Variants in PTPRO observed in about 807,000 individuals in gnomAD.
PTPRO encodes protein tyrosine phosphatase receptor type O.
PTPRO carries 62 observed loss-of-function variants against 145.2 expected under a neutral mutation model. The observed-to-expected ratio is 0.43, with a 90% CI of 0.35 to 0.53. The LOEUF (loss-of-function observed/expected upper bound fraction) is 0.53. Among genes scored for constraint, PTPRO ranks in the 20% least tolerant of loss-of-function variants. The pLI is 0.01. For missense variants in PTPRO, 1,345 were observed against 1,482.7 expected, an observed-to-expected ratio of 0.91 and a Z score of 1.53; for synonymous variants, 565 against 514.7, an observed-to-expected ratio of 1.10 and a Z score of -1.32.
rs148956036 is a variant in PTPRO, at chr12:15,406,945, G to A, written c.76-77029G>A. Among the ~76,000 whole-genome samples, 1,141 of 152,318 alleles carry A rather than the reference G, an allele frequency of 7.5e-3. 10 individuals are homozygous for A. The highest frequency in any genetic ancestry group is 0.026 in the African/African-American group (1,073 of 41,576). On this transcript the variant is annotated intron_variant, in intron 1 of 26. Transcript: ENST00000281171. ...ATCACTAAAGTAGCATAGACTTAGC[G>A]ATTAAATAGTATAATGCTGATGAAA...
intron 1 of PTPRO, among the ~76,000 whole-genome samples, chr12:15,439,220 T>A (rs894754220): frequency 1.3e-5 from 2 of 152,052 alleles, no homozygotes; most frequent in Non-Finnish European, 2.9e-5. Context: ...GACAAACAAG[T>A]CCTAGGGGAA....
chr12:15,562,261 TC>T (rs1304190505), intron 17 of PTPRO, among the ~76,000 whole-genome samples: 2 of 152,148 alleles, frequency 1.3e-5, no homozygotes, highest in East Asian at 3.8e-4. Context: ...ACACAACCAC[TC>T]CAATTCCCTG....
intron 1 of PTPRO, among the ~76,000 whole-genome samples, chr12:15,467,247 T>C (rs1473617347): frequency 6.6e-6 from 1 of 152,180 alleles, no homozygotes; most frequent in Non-Finnish European, 1.5e-5. Context: ...CTCTTCTGAA[T>C]TCTGGATCCG....
intron 15 of PTPRO, among the ~76,000 whole-genome samples, chr12:15,555,295 T>G (rs1487760211): frequency 6.6e-6 from 1 of 152,166 alleles, no homozygotes; most frequent in Non-Finnish European, 1.5e-5. Context: ...AGCTTTAGAC[T>G]GGATGAAATT....
chr12:15,551,444 ATCATCGTAAGC>A, intron 14 of PTPRO, 96 bp from the exon 15 acceptor site: 1 of 1,374,616 alleles, frequency 7.3e-7, no homozygotes, highest in Non-Finnish European at 1.0e-6. Flanking sequence ...TATTATTGGT[ATCATCGTAAGC>A]TCACTGCCCT....
intron 19 of PTPRO, among the ~76,000 whole-genome samples, chr12:15,573,555 T>C (rs1944109453): frequency 6.6e-6 from 1 of 152,200 alleles, no homozygotes; most frequent in Non-Finnish European, 1.5e-5. Flanking sequence ...GTCATATATG[T>C]AATTAATTGG....
chr12:15,402,387 A>G (rs1285012142), intron 1 of PTPRO, among the ~76,000 whole-genome samples: 3 of 151,900 alleles, frequency 2.0e-5, no homozygotes, highest in Non-Finnish European at 4.4e-5. Context: ...ACTCCATTTC[A>G]AGAAAAAAAA....
At position 15,504,239 on chromosome 12, in the gene PTPRO, G is replaced by T. The variant is rs112241672; in HGVS notation, c.1267+170G>T. 9.2e-5 allele frequency among the ~76,000 whole-genome samples: 14 copies of T among 152,260 alleles called. 2 individuals carry two copies. The highest frequency in any genetic ancestry group is 3.1e-4 in the African/African-American group (13 of 41,556). On this transcript the variant is annotated intron_variant, in intron 6 of 26. Coordinates refer to ENST00000281171, the MANE Select transcript of PTPRO (RefSeq NM_030667.3). ...GCTTTGGATAGCAGAGGAAATGAAT[G>T]CTTGTTTAATAGTAGCAATCCTATC... is the stretch of plus-strand genomic sequence containing the variant.
At chr12:15,437,922 G>A (rs890012598) in intron 1 of PTPRO, among the ~76,000 whole-genome samples, 1 of 152,172 alleles carries the variant, frequency 6.6e-6, no homozygotes, top group African/African-American at 2.4e-5. Flanking sequence ...GCTGAGCAGG[G>A]ACCTCAGACC....
At chr12:15,361,421 A>C (rs1318328912) in intron 1 of PTPRO, among the ~76,000 whole-genome samples, 1 of 147,610 alleles carries the variant, frequency 6.8e-6, no homozygotes, top group Non-Finnish European at 1.5e-5. Flanking sequence ...CCTGGGCGAC[A>C]GAGTGAGACT....
At chr12:15,423,641 CATA>C (rs1940205903) in intron 1 of PTPRO, among the ~76,000 whole-genome samples, 1 of 152,150 alleles carries the variant, frequency 6.6e-6, no homozygotes, top group African/African-American at 2.4e-5. Flanking sequence ...ACATCCATAA[CATA>C]ATTTGGAGAA....
intron 1 of PTPRO, among the ~76,000 whole-genome samples, chr12:15,391,725 G>C (rs1939193905): frequency 6.6e-6 from 1 of 152,202 alleles, no homozygotes; most frequent in Admixed American, 6.5e-5. Flanking sequence ...AAGTGAGACA[G>C]AGTAAAGGTT....
At chr12:15,414,185 TCTC>T (rs1336495758) in intron 1 of PTPRO, among the ~76,000 whole-genome samples, 2 of 152,226 alleles carry the variant, frequency 1.3e-5, no homozygotes, top group Admixed American at 1.3e-4. Flanking sequence ...TTTAGAAAGG[TCTC>T]CTGTTTGCGT....
chr12:15,360,629 A>ATG (rs527914394), intron 1 of PTPRO, among the ~76,000 whole-genome samples: 3 of 151,366 alleles, frequency 2.0e-5, no homozygotes, highest in South Asian at 2.1e-4. Flanking sequence ...CTATATATAT[A>ATG]TGTGTGTGTG....
At chr12:15,438,970 T>TTTTCCTTAGGCAAAGATCTTAAGATC (rs200446823) in intron 1 of PTPRO, among the ~76,000 whole-genome samples, 4 of 151,938 alleles carry the variant, frequency 2.6e-5, no homozygotes, top group African/African-American at 9.7e-5. Context: ...CTGCTAGAGG[T>TTTTCCTTAGGCAAAGATCTTAAGATC]TTTCCTTAGG....
intron 12 of PTPRO, among the ~76,000 whole-genome samples, chr12:15,540,116 A>G (rs1943151858): frequency 6.6e-6 from 1 of 152,160 alleles, no homozygotes; most frequent in Non-Finnish European, 1.5e-5. Flanking sequence ...AATAATTTCT[A>G]TACCTCTTGT....
At chr12:15,369,091 GA>G (rs1452716432) in intron 1 of PTPRO, among the ~76,000 whole-genome samples, 3 of 152,138 alleles carry the variant, frequency 2.0e-5, no homozygotes, top group African/African-American at 7.2e-5. Context: ...GGGTGTGAGG[GA>G]GACTGCTGAA....
At chr12:15,443,385 C>G (rs560660764) in intron 1 of PTPRO, among the ~76,000 whole-genome samples, 1 of 152,172 alleles carries the variant, frequency 6.6e-6, no homozygotes, top group East Asian at 1.9e-4. Flanking sequence ...AGACTTCAAA[C>G]TATAAGAATT....
chr12:15,560,152 A>G (rs1943734213), intron 16 of PTPRO, 41 bp from the exon 17 acceptor site: 1 of 1,458,330 alleles, frequency 6.9e-7, no homozygotes, highest in Admixed American at 1.7e-5. Context: ...AACTCTTGCA[A>G]CTTTTTCATC....
Sources: gnomAD v4.1 joint callset for allele counts (sites outside exome capture counted in the v4.1 genomes callset) on GRCh38, gnomAD v4.1.1 for gene constraint, MANE v1.5 for transcripts, NCBI Gene and HGNC (gene_info 2026-07-23, HGNC 2026-07-21) for gene names.